Variants in DPP6 observed in about 807,000 individuals in gnomAD.
The protein encoded by DPP6 is dipeptidyl peptidase like 6, also known as A-type potassium channel modulatory protein DPP6.
Under a neutral mutation model 122.6 loss-of-function variants are expected in DPP6, and 69 were observed. That is an observed-to-expected ratio of 0.56 (90% CI 0.46 to 0.69). The LOEUF is 0.69. DPP6 is among the 30% of genes least tolerant of loss of function. The pLI is 0.00. For missense variants in DPP6, 928 were observed against 1,116.9 expected (o/e 0.83, Z 2.41); for synonymous variants, 418 against 433.1 (o/e 0.97, Z 0.43).
At chr7:153,786,263 GACATC>G in the DPP6 span, among the ~76,000 whole-genome samples, 1 of 42,884 alleles carries the variant, frequency 2.3e-5, no homozygotes, top group African/African-American at 1.4e-4. Flanking sequence ...TGGTTTTAAT[GACATC>G]TGACATCTGA....
At chr7:154,780,189 G>A (rs1796935452) in intron 10 of DPP6, among the ~76,000 whole-genome samples, 1 of 152,192 alleles carries the variant, frequency 6.6e-6, no homozygotes, top group African/African-American at 2.4e-5. Flanking sequence ...TAGGGTAATG[G>A]AGAAGCTCCA....
At chr7:153,818,602 C>T in the DPP6 span, among the ~76,000 whole-genome samples, 1 of 151,846 alleles carries the variant, frequency 6.6e-6, no homozygotes, top group Non-Finnish European at 1.5e-5. Context: ...AAATGTAAAA[C>T]AATGACACAT....
At chr7:154,844,820 A>C (rs1198773231) in intron 16 of DPP6, among the ~76,000 whole-genome samples, 1 of 152,234 alleles carries the variant, frequency 6.6e-6, no homozygotes, top group East Asian at 1.9e-4. Context: ...GGCCTCCTTA[A>C]ATGTAATTTT....
At chr7:154,740,876 AC>A (rs1586994713) in intron 8 of DPP6, among the ~76,000 whole-genome samples, 1 of 151,994 alleles carries the variant, frequency 6.6e-6, no homozygotes, top group East Asian at 1.9e-4. Flanking sequence ...CCCACGTGAA[AC>A]CTATCTGCCC....
At position 154,801,342 on chromosome 7, in the gene DPP6, C is replaced by G; in HGVS notation, c.1300-13C>G. ...GTTTTAGTTGTGGTTTCATCCGTGG[C>G]CTTTGTCCACAGAATGAAGAACCTG... is the stretch of plus-strand genomic sequence containing the variant. On this transcript the variant is annotated splice_polypyrimidine_tract_variant and intron_variant, in intron 12 of 25. Coordinates refer to ENST00000377770, the MANE Select transcript of DPP6 (RefSeq NM_130797.4). 1.3e-6 allele frequency: 2 copies of G among 1,571,814 alleles called. No homozygotes were observed. The highest frequency in any genetic ancestry group is 1.7e-6 in the Non-Finnish European group (2 of 1,156,766).
intron 16 of DPP6, among the ~76,000 whole-genome samples, chr7:154,819,156 T>C (rs1337780970): frequency 6.6e-6 from 1 of 152,214 alleles, no homozygotes; most frequent in African/African-American, 2.4e-5. Context: ...GACTCACGCC[T>C]GTAATGCCAG....
intron 9 of DPP6, among the ~76,000 whole-genome samples, chr7:154,772,374 G>A (rs1796299404): frequency 6.6e-6 from 1 of 152,042 alleles, no homozygotes; most frequent in African/African-American, 2.4e-5. Flanking sequence ...ACCCATACTT[G>A]TCCCCCAGAG....
At chr7:154,101,755 C>G (rs1805741616) in intron 1 of DPP6, among the ~76,000 whole-genome samples, 1 of 151,336 alleles carries the variant, frequency 6.6e-6, no homozygotes, top group Admixed American at 6.6e-5. Flanking sequence ...TGGTGAAACC[C>G]CATCTCTACC....
chr7:154,779,513 T>C (rs1186059063), intron 10 of DPP6, among the ~76,000 whole-genome samples: 2 of 152,220 alleles, frequency 1.3e-5, no homozygotes, highest in Non-Finnish European at 2.9e-5. Flanking sequence ...GTTGCACTTT[T>C]AATTAGTAGT....
intron 1 of DPP6, among the ~76,000 whole-genome samples, chr7:154,320,641 T>C (rs1369006182): frequency 6.6e-6 from 1 of 152,124 alleles, no homozygotes; most frequent in Non-Finnish European, 1.5e-5. Context: ...TGTGCCACCA[T>C]GGCCAGCTAA....
intron 1 of DPP6, among the ~76,000 whole-genome samples, chr7:154,194,275 AAG>A (rs1370654767): frequency 1.3e-5 from 2 of 152,168 alleles, no homozygotes; most frequent in Non-Finnish European, 2.9e-5. Context: ...AGATGTCAGA[AAG>A]AAAATATAAC....
intron 1 of DPP6, among the ~76,000 whole-genome samples, chr7:154,416,289 C>A (rs1016526852): frequency 6.6e-6 from 1 of 152,118 alleles, no homozygotes; most frequent in Non-Finnish European, 1.5e-5. Context: ...ATCACCCAAG[C>A]AGATGATCCT....
the DPP6 span, among the ~76,000 whole-genome samples, chr7:153,770,723 G>A: frequency 3.0e-3 from 464 of 152,292 alleles, no homozygotes; most frequent in African/African-American, 0.011. Flanking sequence ...CTATGTTAAA[G>A]GCATGAATGG....
chr7:154,482,200 G>A (rs1823367164), intron 3 of DPP6, among the ~76,000 whole-genome samples: 1 of 152,158 alleles, frequency 6.6e-6, no homozygotes, highest in African/African-American at 2.4e-5. Context: ...AGGCTGCTTG[G>A]CATATTCATG....
chr7:154,223,408 G>A (rs996702541), intron 1 of DPP6, among the ~76,000 whole-genome samples: 4 of 149,482 alleles, frequency 2.7e-5, no homozygotes, highest in African/African-American at 1.0e-4. Flanking sequence ...TACCCAGTCA[G>A]AGAGAGAGAT....
chr7:154,423,517 T>C (rs1291705183), intron 1 of DPP6, among the ~76,000 whole-genome samples: 3 of 152,170 alleles, frequency 2.0e-5, no homozygotes, highest in Admixed American at 6.5e-5. Flanking sequence ...TGTTAGAAAC[T>C]GTGCTAGTGT....
chr7:154,754,492 C>G (rs1468979774), intron 8 of DPP6, among the ~76,000 whole-genome samples: 2 of 152,180 alleles, frequency 1.3e-5, no homozygotes, highest in African/African-American at 4.8e-5. Flanking sequence ...ACAGAATGAT[C>G]AGTTTTGGCA....
At chr7:154,420,994 A>G (rs1817423080) in intron 1 of DPP6, among the ~76,000 whole-genome samples, 1 of 152,200 alleles carries the variant, frequency 6.6e-6, no homozygotes, top group Admixed American at 6.5e-5. Context: ...TTAAAAAATA[A>G]AAATAATAAA....
chr7:154,419,610 C>G (rs1336380003), intron 1 of DPP6, among the ~76,000 whole-genome samples: 1 of 152,152 alleles, frequency 6.6e-6, no homozygotes, highest in Non-Finnish European at 1.5e-5. Flanking sequence ...CTTTTTCTTT[C>G]CTTCTCTTGA....
Sources: allele counts gnomAD v4.1 joint callset (sites outside exome capture counted in the v4.1 genomes callset), GRCh38; gene constraint gnomAD v4.1.1; transcripts MANE v1.5; gene names NCBI Gene and HGNC (gene_info 2026-07-23, HGNC 2026-07-21).